COL24A1: variants seen among roughly 807,000 people sequenced by gnomAD.
COL24A1 encodes collagen alpha-1(XXIV) chain.
In COL24A1, 224 loss-of-function variants were observed where a neutral mutation model predicts 253.9. The observed-to-expected ratio is 0.88, with a 90% CI of 0.79 to 0.99. The LOEUF (loss-of-function observed/expected upper bound fraction) is 0.99. COL24A1 is among the 50% of genes least tolerant of loss of function. COL24A1 has a pLI of 0.00. For synonymous variants in COL24A1, 685 were observed against 673.7 expected (o/e 1.02, Z -0.26); for missense variants, 2,131 against 2,068.5 (o/e 1.03, Z -0.59).
At chr1:86,026,072 A>T (rs1237552219) in intron 14 of COL24A1, among the ~76,000 whole-genome samples, 1 of 152,190 alleles carries the variant, frequency 6.6e-6, no homozygotes, top group African/African-American at 2.4e-5. Flanking sequence ...CAAAAATAGG[A>T]ATTTTAACTT....
intron 24 of COL24A1, among the ~76,000 whole-genome samples, chr1:85,922,076 A>C (rs1447929026): frequency 1.3e-5 from 2 of 152,222 alleles, no homozygotes; most frequent in Non-Finnish European, 2.9e-5. Context: ...CAGTGATTGA[A>C]GATCAAATTA....
chr1:85,974,657 C>T (rs1365163859), intron 20 of COL24A1, among the ~76,000 whole-genome samples: 1 of 152,058 alleles, frequency 6.6e-6, no homozygotes, highest in Non-Finnish European at 1.5e-5. Context: ...ACACAAGGGG[C>T]TTCCAATGTT....
chr1:85,833,972 G>C (rs1314273922), intron 43 of COL24A1, among the ~76,000 whole-genome samples: 2 of 122,980 alleles, frequency 1.6e-5, no homozygotes, highest in Non-Finnish European at 3.3e-5. Flanking sequence ...GTTGTGGGGT[G>C]GGGGGAGGGG....
At position 86,126,230 on chromosome 1, in the gene COL24A1, A is replaced by T. The variant is rs1648281771; in HGVS notation, c.122-16T>A. 6 of 1,552,920 alleles carry T rather than the reference A, an allele frequency of 3.9e-6. No homozygotes were observed. In the East Asian group the frequency reaches 1.4e-4, roughly 35 times the overall value. On this transcript the variant is annotated splice_polypyrimidine_tract_variant and intron_variant, in intron 2 of 59. Transcript: ENST00000370571. Reference sequence around the variant, plus strand: ...ATATCTATGCCTGGAAATTTAAAAAAGAGAGAGAGAAAGAATCTTAATTTT... The same window carrying T: ...ATATCTATGCCTGGAAATTTAAAAATGAGAGAGAGAAAGAATCTTAATTTT...
intron 5 of COL24A1, among the ~76,000 whole-genome samples, chr1:86,104,837 G>C (rs1199256416): frequency 6.6e-6 from 1 of 152,232 alleles, no homozygotes; most frequent in African/African-American, 2.4e-5. Flanking sequence ...GTAGCAGTGG[G>C]ATCTGTCCTT....
chr1:86,031,650 T>C (rs1185133406), intron 14 of COL24A1, among the ~76,000 whole-genome samples: 1 of 152,180 alleles, frequency 6.6e-6, no homozygotes. Flanking sequence ...TATAGGTCTA[T>C]AAAAATATAT....
At chr1:85,989,659 G>C (rs1347666164) in intron 19 of COL24A1, among the ~76,000 whole-genome samples, 2 of 152,038 alleles carry the variant, frequency 1.3e-5, no homozygotes, top group Non-Finnish European at 2.9e-5. Context: ...TCGTGATTTG[G>C]TGGTCTCTAT....
At chr1:85,784,499 G>T (rs1669473039) in intron 48 of COL24A1, 133 bp from the exon 49 acceptor site, 1 of 604,408 alleles carries the variant, frequency 1.7e-6, no homozygotes, top group East Asian at 2.8e-5. Flanking sequence ...ATCAAATTTT[G>T]CATGTTCATC....
At chr1:86,005,605 C>A (rs1439990757) in intron 19 of COL24A1, among the ~76,000 whole-genome samples, 2 of 151,650 alleles carry the variant, frequency 1.3e-5, no homozygotes, top group Non-Finnish European at 2.9e-5. Context: ...AAATAACAGA[C>A]CTTAATAATT....
intron 19 of COL24A1, among the ~76,000 whole-genome samples, chr1:85,989,673 T>C (rs1218381762): frequency 2.0e-5 from 3 of 152,124 alleles, no homozygotes; most frequent in Non-Finnish European, 4.4e-5. Context: ...TCTCTATTTA[T>C]CTCTCTTCTT....
intron 47 of COL24A1, among the ~76,000 whole-genome samples, chr1:85,797,069 T>C (rs1045988217): frequency 8.7e-5 from 13 of 149,404 alleles, no homozygotes; most frequent in Non-Finnish European, 1.6e-4. Context: ...TAGCCAGGCA[T>C]GGTGGTGGGC....
At chr1:85,886,568 G>A (rs1454729866) in intron 32 of COL24A1, among the ~76,000 whole-genome samples, 2 of 151,960 alleles carry the variant, frequency 1.3e-5, no homozygotes, top group African/African-American at 2.4e-5. Flanking sequence ...GGGAGGCTGA[G>A]GTAGGAGAAT....
chr1:86,027,409 T>C (rs1029271093), intron 14 of COL24A1, among the ~76,000 whole-genome samples: 16 of 152,172 alleles, frequency 1.1e-4, no homozygotes, highest in African/African-American at 3.9e-4. Context: ...CCTAGAGCCT[T>C]GCTGCTTTGT....
At position 85,732,568 on chromosome 1, in the gene COL24A1, G is replaced by A. The variant is rs74411228; in HGVS notation, c.4999-1876C>T. 2.6e-3 allele frequency among the ~76,000 whole-genome samples: 390 copies of A among 152,064 alleles called. 3 individuals carry two copies. Among genetic ancestry groups the A allele is most frequent in the Non-Finnish European group, 4.4e-3 (298 of 67,970 alleles). On this transcript the variant is annotated intron_variant, in intron 59 of 59. Coordinates refer to ENST00000370571, the MANE Select transcript of COL24A1 (RefSeq NM_152890.7). ...TTTCTTGTTCCTCCTCTAATTAGCTGTATGACTGCGATTATCTAATTAGCT... is the reference window on the plus strand; with the variant it reads ...TTTCTTGTTCCTCCTCTAATTAGCTATATGACTGCGATTATCTAATTAGCT...
rs761776990 is a variant in COL24A1, at chr1:86,050,175, A to T, written c.1854T>A (p.Gly618=). 6.8e-6 allele frequency: 11 copies of T among 1,613,052 alleles called. No homozygotes were observed. Among genetic ancestry groups the T allele is most frequent in the Non-Finnish European group, 8.5e-6 (10 of 1,179,234 alleles). ...EGNPGPKGAQ[G]FIGSPGEAGQ... ...CCGCTTCTCCAGGAGAGCCAATAAAACCCTTAAAACAAGAAAATAGTCTGT... is the reference window on the plus strand; with the variant it reads ...CCGCTTCTCCAGGAGAGCCAATAAATCCCTTAAAACAAGAAAATAGTCTGT... Residue 618 remains glycine (G), a splice_region_variant and synonymous_variant, in exon 11 of 60, where the codon GGT becomes GGA. Transcript: ENST00000370571.
At chr1:85,908,083 C>A (rs1423551798) in intron 27 of COL24A1, among the ~76,000 whole-genome samples, 1 of 151,660 alleles carries the variant, frequency 6.6e-6, no homozygotes, top group East Asian at 1.9e-4. Context: ...CGATCTTGTT[C>A]ATATTTTAAG....
At position 85,818,076 on chromosome 1, in the gene COL24A1, C is replaced by A. The variant is rs1348789048; in HGVS notation, c.3801G>T (p.Gly1267=). 1 of 1,613,078 alleles carries A rather than the reference C, an allele frequency of 6.2e-7. No individual in the cohort carries two copies. The highest frequency in any genetic ancestry group is 8.5e-7 in the Non-Finnish European group (1 of 1,179,312). The change falls in exon 46 of 60, where the codon GGG becomes GGT. Residue 1267 remains glycine, a synonymous_variant. Coordinates refer to ENST00000370571, the MANE Select transcript of COL24A1 (RefSeq NM_152890.7). ...KGERGSEGNK[G]KKGAPGPSGK... is the part of the protein sequence containing the mutation. Reference sequence around the variant, plus strand: ...CAGAAGGACCAGGAGCTCCTTTTTTCCCCTTATTACCCTAAAGATGGAAAG... The same window carrying A: ...CAGAAGGACCAGGAGCTCCTTTTTTACCCTTATTACCCTAAAGATGGAAAG...
intron 12 of COL24A1, among the ~76,000 whole-genome samples, chr1:86,042,155 A>G (rs561918654): frequency 6.6e-6 from 1 of 152,310 alleles, no homozygotes; most frequent in East Asian, 1.9e-4. Flanking sequence ...GTCTTTAAAA[A>G]TAATTGTTGT....
At chr1:85,888,321 C>T (rs188143222) in intron 32 of COL24A1, among the ~76,000 whole-genome samples, 322 of 152,062 alleles carry the variant, frequency 2.1e-3, no homozygotes, top group Non-Finnish European at 3.2e-3. Context: ...AAAGCTAGCC[C>T]GAGCCCTTTA....
Sources: allele counts gnomAD v4.1 joint callset (sites outside exome capture counted in the v4.1 genomes callset), GRCh38; gene constraint gnomAD v4.1.1; transcripts MANE v1.5; gene names NCBI Gene and HGNC (gene_info 2026-07-23, HGNC 2026-07-21).